The following LILRB5 variants were observed in gnomAD, a reference collection of about 807,000 sequenced individuals.
The protein encoded by LILRB5 is leukocyte immunoglobulin-like receptor subfamily B member 5.
A neutral mutation model predicts 68.4 loss-of-function variants in LILRB5; 61 were observed. That is an observed-to-expected ratio of 0.89 (90% CI 0.73 to 1.10). The LOEUF (loss-of-function observed/expected upper bound fraction) is 1.10. LILRB5 is among the 50% of genes least tolerant of loss of function. The pLI, the probability that LILRB5 is intolerant of heterozygous loss-of-function variation, is 0.00. For synonymous variants in LILRB5, 356 were observed against 315.8 expected (o/e 1.13, Z -1.35); for missense variants, 771 against 751.6 (o/e 1.03, Z -0.30).
In LILRB5 at chr19:54,253,760, G is replaced by C. The variant is rs1206688803; in HGVS notation, c.1357+258C>G. On this transcript the variant is annotated intron_variant, in intron 8 of 12. Coordinates refer to ENST00000449561, the MANE Select transcript of LILRB5 (RefSeq NM_001081442.3). Reference sequence around the variant, plus strand: ...GCGGAGCCCCGGAGCTGCAGGGAAAGAGCCTGAATGCCCCAAACCACGGCC... The same window carrying C: ...GCGGAGCCCCGGAGCTGCAGGGAAACAGCCTGAATGCCCCAAACCACGGCC... 3.8e-6 allele frequency: 5 copies of C among 1,312,182 alleles called. No individual in the cohort carries two copies. The African/African-American group carries it at 5.8e-5, about 15-fold the overall frequency. The allele number at this position is 1,312,182 out of a possible 1,614,324, so 81.3% of individuals were successfully genotyped here.
rs1240847341 is a variant in LILRB5, at chr19:54,254,782, G to A, written c.1208C>T (p.Pro403Leu). ...YRCYSAIRSYPYLLSSPSYPQ... is the reference protein window; with the variant it reads ...YRCYSAIRSYLYLLSSPSYPQ... ...GTAACTAGGGCTGGACAGCAGGTAGGGGTAGGACCTGATTGCGCTGTAGCA... is the reference window on the plus strand; with the variant it reads ...GTAACTAGGGCTGGACAGCAGGTAGAGGTAGGACCTGATTGCGCTGTAGCA... The change falls in exon 6 of 13, where the codon CCC becomes CTC. Residue 403 changes from proline to leucine, a missense_variant. Physicochemically the swap from Pro to Leu is moderately conservative, Grantham distance 98 (BLOSUM62 -3). Coordinates refer to ENST00000449561, the MANE Select transcript of LILRB5 (RefSeq NM_001081442.3). 1 of 1,614,168 alleles carries A rather than the reference G, an allele frequency of 6.2e-7. No homozygotes were observed. The highest frequency in any genetic ancestry group is 8.5e-7 in the Non-Finnish European group (1 of 1,180,016).
chr19:54,256,118 T>C lies in LILRB5; in HGVS notation c.580A>G (p.Arg194Gly). 1 of 1,607,680 alleles carries C rather than the reference T, an allele frequency of 6.2e-7. No individual in the cohort carries two copies. Among genetic ancestry groups the C allele is most frequent in the Non-Finnish European group, 8.5e-7 (1 of 1,177,342 alleles). Residue 194 changes from arginine (R) to glycine (G), a missense_variant, in exon 4 of 13, where the codon AGA becomes GGA. Arg to Gly is a moderately radical substitution (Grantham distance 125). Transcript: ENST00000449561. ...TTTTTCCTGTAATAGTAATAGCATC[T>C]GAACCTCCACCTGCAGCTGGGGGTC... ...PVTPSCRWRF[R>G]CYYYYRKNPQ...
Position 54,255,008 on chromosome 19 carries a change from C to T in LILRB5, c.982G>A (p.Val328Met). The T allele has an allele frequency of 6.2e-7, 1 of 1,611,762 alleles. No individual in the cohort carries two copies. The highest frequency in any genetic ancestry group is 8.5e-7 in the Non-Finnish European group (1 of 1,178,540). Residue 328 changes from valine (V) to methionine (M), a missense_variant, in exon 6 of 13, where the codon GTG (valine) becomes ATG (methionine). Physicochemically the swap from Val to Met is conservative, Grantham distance 21. Coordinates refer to ENST00000449561, the MANE Select transcript of LILRB5 (RefSeq NM_001081442.3). ...GLIPDIPALSVQPGPKVASGE... is the reference protein window; with the variant it reads ...GLIPDIPALSMQPGPKVASGE... ...GAGGCCACCTTGGGGCCCGGCTGCACCGAGAGGGCGGGTATGTCAGGGATC... is the reference window on the plus strand; with the variant it reads ...GAGGCCACCTTGGGGCCCGGCTGCATCGAGAGGGCGGGTATGTCAGGGATC...
rs572964615 is a variant in LILRB5, at chr19:54,256,942, C to G, written c.70+19G>C. 1.2e-6 allele frequency: 2 copies of G among 1,614,184 alleles called. No individual in the cohort carries two copies. The highest frequency in any genetic ancestry group is 3.3e-5 in the Admixed American group (2 of 60,024). On this transcript the variant is annotated intron_variant, in intron 2 of 12. Coordinates refer to ENST00000449561, the MANE Select transcript of LILRB5 (RefSeq NM_001081442.3). The stretch of plus-strand genomic sequence containing the variant: ...CCCAGTGAGAAGAAGGGACCTGGGA[C>G]AGCTGGGGACAGACTCACCTGCCTG...
Position 54,256,489 on chromosome 19 carries a change from C to T in LILRB5, c.355G>A (p.Gly119Arg), listed in dbSNP as rs896575411. The T allele has an allele frequency of 7.4e-6, 12 of 1,614,006 alleles. No individual in the cohort carries two copies. Among genetic ancestry groups the T allele is most frequent in the Non-Finnish European group, 9.3e-6 (11 of 1,179,974 alleles). ...PSDPLELVAT[G>R]FYAEPTLLAL... ...CTGGGACCCCTGAGTGTCCTCTCACCTGTCGCCACCAGCTCCAGGGGGTCA... is the reference window on the plus strand; with the variant it reads ...CTGGGACCCCTGAGTGTCCTCTCACTTGTCGCCACCAGCTCCAGGGGGTCA... Residue 119 changes from glycine (G) to arginine (R), a missense_variant and splice_region_variant, in exon 3 of 13, where the codon GGA (glycine) becomes AGA (arginine). Coordinates refer to ENST00000449561, the MANE Select transcript of LILRB5 (RefSeq NM_001081442.3).
rs1196653918 is a variant in LILRB5 at position 54,250,040 on chromosome 19, A to AAAC, written c.*743_*745dup. The AAAC allele has an allele frequency of 3.3e-5, 5 of 152,572 alleles. No individual in the cohort carries two copies. Among genetic ancestry groups the AAAC allele is most frequent in the South Asian group, 4.1e-4 (2 of 4,838 alleles). The allele number at this position is 152,572 out of a possible 1,614,324, so 9.5% of individuals were successfully genotyped here. ...GAGCGAGACTCCGTCTCAAAAAACA[A>AAAC]AACAAAACAAAACAAAAACCCTCAC... On this transcript the variant is annotated 3_prime_UTR_variant, in exon 13 of 13. Coordinates refer to ENST00000449561, the MANE Select transcript of LILRB5 (RefSeq NM_001081442.3).
Position 54,250,751 on chromosome 19 carries a change from C to A in LILRB5, c.*35G>T. On this transcript the variant is annotated 3_prime_UTR_variant, in exon 13 of 13. Transcript: ENST00000449561. ...GTGCCTTCTGGAGTCTCTGAGTCTC[C>A]TTCTGTTGAGTATGAGATCTGGGTC... 18 of 1,613,360 alleles carry A rather than the reference C, an allele frequency of 1.1e-5. No homozygotes were observed. The highest frequency in any genetic ancestry group is 1.5e-5 in the Non-Finnish European group (18 of 1,179,722).
chr19:54,256,362 G>T lies in LILRB5; in HGVS notation c.356-20C>A. On this transcript the variant is annotated intron_variant, in intron 3 of 12. Coordinates refer to ENST00000449561, the MANE Select transcript of LILRB5 (RefSeq NM_001081442.3). ...AGAATCCTAGCAGAGAAGGAGGCAC[G>T]TCTTAAGTGGGGCTCCGACCTCCCA... 1.3e-6 allele frequency: 2 copies of T among 1,592,016 alleles called. No individual in the cohort carries two copies. Among genetic ancestry groups the T allele is most frequent in the Non-Finnish European group, 1.7e-6 (2 of 1,167,998 alleles).
Position 54,255,378 on chromosome 19 carries a change from C to G in LILRB5, c.860G>C (p.Arg287Pro), listed in dbSNP as rs146167320. ...GCATCTGTACTGGCCCCCGTGGGAGCGGCTCACAGGGCCCAGGGTGAAGTT... is the reference window on the plus strand; with the variant it reads ...GCATCTGTACTGGCCCCCGTGGGAGGGGCTCACAGGGCCCAGGGTGAAGTT... The part of the protein sequence containing the change: ...QANFTLGPVS[R>P]SHGGQYRCYG... The change falls in exon 5 of 13, where the codon CGC (arginine) becomes CCC (proline). Residue 287 changes from arginine (R) to proline (P), a missense_variant. Transcript: ENST00000449561. The G allele has an allele frequency of 1.9e-4, 313 of 1,613,970 alleles. 1 individual carries two copies. Among genetic ancestry groups the G allele is most frequent in the South Asian group, 3.2e-4 (29 of 91,076 alleles).
At chr19:54,252,133 C>G in intron 11 of LILRB5, 27 bp from the exon 12 acceptor site, 1 of 1,612,796 alleles carries the variant, frequency 6.2e-7, no homozygotes, top group Non-Finnish European at 8.5e-7. Context: ...AGGGGTTCAT[C>G]TCCTGGGAAG....
chr19:54,256,522 C>T lies in LILRB5; in HGVS notation c.322G>A (p.Glu108Lys). 3 of 1,614,152 alleles carry T rather than the reference C, an allele frequency of 1.9e-6. No homozygotes were observed. Among genetic ancestry groups the T allele is most frequent in the Middle Eastern group, 1.6e-4 (1 of 6,062 alleles). ...CYYETPAGWS[E>K]PSDPLELVAT... ...ACCAGCTCCAGGGGGTCACTGGGCT[C>T]TGACCAGCCTGCAGGGGTCTCATAG... The change falls in exon 3 of 13, where the codon GAG becomes AAG. Residue 108 changes from glutamate to lysine, a missense_variant. By Grantham distance (56) the Glu-to-Lys change is moderately conservative. Coordinates refer to ENST00000449561, the MANE Select transcript of LILRB5 (RefSeq NM_001081442.3).
intron 3 of LILRB5, 23 bp downstream of exon 3, chr19:54,256,465 TG>T: frequency 6.2e-7 from 1 of 1,612,494 alleles, no homozygotes; most frequent in Non-Finnish European, 8.5e-7. Context: ...AGCCTGGGGC[TG>T]GGACCCCTGA....
chr19:54,256,890 C>G (rs923813867), intron 2 of LILRB5, 71 bp downstream of exon 2: 2 of 1,612,414 alleles, frequency 1.2e-6, no homozygotes, highest in East Asian at 4.5e-5. Context: ...ATCTCCACCC[C>G]CAGCTGCCCG....
Position 54,255,545 on chromosome 19 carries a change from G to T in LILRB5, c.693C>A (p.Gly231=). ...GGCTGCCTCCGCGGGCCACGACAGAGCCCTGCGGGATCAGGAGGGAGGGCT... is the reference window on the plus strand; with the variant it reads ...GGCTGCCTCCGCGGGCCACGACAGATCCCTGCGGGATCAGGAGGGAGGGCT... ...SRKPSLLIPQ[G]SVVARGGSLT... Residue 231 remains glycine, a synonymous_variant, in exon 5 of 13, where the codon GGC becomes GGA. Transcript: ENST00000449561. 1 of 1,613,938 alleles carries T rather than the reference G, an allele frequency of 6.2e-7. No homozygotes were observed. Among genetic ancestry groups the T allele is most frequent in the South Asian group, 1.1e-5 (1 of 91,088 alleles).
chr19:54,255,652 C>A, intron 4 of LILRB5, 70 bp from the exon 5 acceptor site: 1 of 1,492,756 alleles, frequency 6.7e-7, no homozygotes, highest in Non-Finnish European at 9.0e-7. Context: ...CCCGTCCTGG[C>A]GTCCTGGCCC....
At position 54,254,998 on chromosome 19, in the gene LILRB5, C is replaced by A. The variant is rs746817445; in HGVS notation, c.992G>T (p.Gly331Val). 1 of 1,611,918 alleles carries A rather than the reference C, an allele frequency of 6.2e-7. No individual in the cohort carries two copies. Among genetic ancestry groups the A allele is most frequent in the Admixed American group, 1.7e-5 (1 of 59,918 alleles). Residue 331 changes from glycine to valine, a missense_variant, in exon 6 of 13, where the codon GGC becomes GTC. Physicochemically the swap from Gly to Val is moderately radical, Grantham distance 109. Coordinates refer to ENST00000449561, the MANE Select transcript of LILRB5 (RefSeq NM_001081442.3). Reference sequence around the variant, plus strand: ...GTTCTCTCCTGAGGCCACCTTGGGGCCCGGCTGCACCGAGAGGGCGGGTAT... The same window carrying A: ...GTTCTCTCCTGAGGCCACCTTGGGGACCGGCTGCACCGAGAGGGCGGGTAT... ...PDIPALSVQP[G>V]PKVASGENVT...
In LILRB5 at chr19:54,255,492, C is replaced by T; in HGVS notation, c.746G>A (p.Gly249Asp). Residue 249 changes from glycine (G) to aspartate (D), a missense_variant, in exon 5 of 13, where the codon GGC becomes GAC. Gly to Asp is a moderately conservative substitution (Grantham distance 94, BLOSUM62 -1). Transcript: ENST00000449561. Reference sequence around the variant, plus strand: ...CTTGTACAGAACGAATATGTCATAGCCGACATCAGAGCGACACTGCAGGGT... The same window carrying T: ...CTTGTACAGAACGAATATGTCATAGTCGACATCAGAGCGACACTGCAGGGT... ...SLTLQCRSDV[G>D]YDIFVLYKEG... 6.2e-7 allele frequency: 1 copy of T among 1,614,060 alleles called. No homozygotes were observed.
rs2078978792 is a variant in LILRB5 at position 54,252,173 on chromosome 19, C to T, written c.1577-67G>A. 8.3e-6 allele frequency: 13 copies of T among 1,572,980 alleles called. No homozygotes were observed. The East Asian group carries it at 2.9e-4, about 35-fold the overall frequency. The stretch of plus-strand genomic sequence containing the variant: ...TCTGAGACTTCTCCGTCCTGCCAGC[C>T]CTTGCCCTGTTCCCACTAGGGTGGC... On this transcript the variant is annotated intron_variant, in intron 11 of 12. Coordinates refer to ENST00000449561, the MANE Select transcript of LILRB5 (RefSeq NM_001081442.3).
At chr19:54,255,656 C>T (rs970779324) in intron 4 of LILRB5, 74 bp from the exon 5 acceptor site, 1 of 1,484,500 alleles carries the variant, frequency 6.7e-7, no homozygotes, top group South Asian at 1.3e-5. Flanking sequence ...TCCTGGCGTC[C>T]TGGCCCTGCA....
Sources: allele counts gnomAD v4.1 joint callset, GRCh38; gene constraint gnomAD v4.1.1; transcripts MANE v1.5; gene names NCBI Gene and HGNC (gene_info 2026-07-23, HGNC 2026-07-21).